USP25: variants seen among roughly 807,000 people sequenced by gnomAD.
The protein encoded by USP25 is ubiquitin specific peptidase 25.
In USP25, 85 loss-of-function variants were observed where a neutral mutation model predicts 158.5. The ratio of observed to expected loss-of-function variants is 0.54; its 90% CI spans 0.45 to 0.64. USP25 has a LOEUF of 0.64. Among genes scored for constraint, USP25 ranks in the 30% least tolerant of loss-of-function variants. The pLI, the probability that USP25 is intolerant of heterozygous loss-of-function variation, is 0.00. For missense variants in USP25, 1,242 were observed against 1,327.3 expected (o/e 0.94, Z 1.00); for synonymous variants, 464 against 460.4 (o/e 1.01, Z -0.10).
chr21:15,820,182 C>A (rs2037161178), intron 10 of USP25, among the ~76,000 whole-genome samples: 1 of 152,000 alleles, frequency 6.6e-6, no homozygotes, highest in South Asian at 2.1e-4. Flanking sequence ...CTCTTAAAAT[C>A]CGATCTGTTT....
chr21:15,869,248 CAAAAAA>C lies in USP25; in HGVS notation c.2806-809_2806-804del, dbSNP rs11300775. 1.7e-4 allele frequency among the ~76,000 whole-genome samples: 17 copies of C among 100,606 alleles called. No individual in the cohort carries two copies. The East Asian group carries it at 4.2e-3, about 25-fold the overall frequency. The allele number at this position is 100,606 out of a possible 152,430, so 66.0% of individuals were successfully genotyped here. A position where few individuals can be genotyped will look rare whatever the true frequency, so the allele number is the denominator to read the frequency against. On this transcript the variant is annotated intron_variant, in intron 22 of 25. Transcript: ENST00000400183. ...GGGCAACTGAGTGAGACCCTGTCTC[CAAAAAA>C]AAAAAAAAAAGTTTATATTCAAGGA...
At chr21:15,751,971 G>A (rs2033048905) in intron 1 of USP25, among the ~76,000 whole-genome samples, 1 of 152,186 alleles carries the variant, frequency 6.6e-6, no homozygotes, top group Non-Finnish European at 1.5e-5. Flanking sequence ...ATTTGCTCTT[G>A]TTGCGCAGGT....
intron 2 of USP25, among the ~76,000 whole-genome samples, chr21:15,764,714 CGCTTT>C (rs2033933063): frequency 6.6e-6 from 1 of 152,012 alleles, no homozygotes; most frequent in African/African-American, 2.4e-5. Context: ...ATCATTATTG[CGCTTT>C]ATTTTATTGT....
chr21:15,824,918 C>A, intron 11 of USP25, 48 bp from the exon 12 acceptor site: 3 of 1,481,452 alleles, frequency 2.0e-6, no homozygotes, highest in Non-Finnish European at 2.8e-6. Context: ...CATATTGCAT[C>A]TACTTTCATG....
chr21:15,744,778 G>A (rs2032387787), intron 1 of USP25: 1 of 152,282 alleles, frequency 6.6e-6, no homozygotes, highest in Non-Finnish European at 1.5e-5. Flanking sequence ...TACTAGAGAT[G>A]GGGTTTTCCA....
intron 1 of USP25, among the ~76,000 whole-genome samples, chr21:15,740,357 A>G (rs2031917384): frequency 6.6e-6 from 1 of 152,206 alleles, no homozygotes. Flanking sequence ...TTATCACAAT[A>G]CACCAAATTT....
chr21:15,856,722 C>T lies in USP25; in HGVS notation c.2547+6850C>T, dbSNP rs191067114. ...TCCTGACCTCGTGATCCGCCTGCCT[C>T]GGCCTCCCAAAGTGCTGGGAGTACA... On this transcript the variant is annotated intron_variant, in intron 20 of 25. Coordinates refer to ENST00000400183, the MANE Select transcript of USP25 (RefSeq NM_001283041.3). Among the ~76,000 whole-genome samples the T allele has an allele frequency of 2.4e-3, 365 of 152,268 alleles. 5 individuals carry two copies. Among genetic ancestry groups the T allele is most frequent in the African/African-American group, 8.5e-3 (352 of 41,564 alleles).
intron 4 of USP25, among the ~76,000 whole-genome samples, chr21:15,783,669 A>G (rs2035097540): frequency 6.6e-6 from 1 of 152,066 alleles, no homozygotes; most frequent in South Asian, 2.1e-4. Context: ...AAGAAATGAA[A>G]AAGAAGGGCC....
intron 3 of USP25, among the ~76,000 whole-genome samples, chr21:15,772,107 T>TA (rs1479238133): frequency 6.6e-6 from 1 of 152,216 alleles, no homozygotes; most frequent in Non-Finnish European, 1.5e-5. Context: ...TCCTATTTAA[T>TA]ATAATATTTT....
chr21:15,785,885 A>T (rs1339574235), intron 4 of USP25, among the ~76,000 whole-genome samples: 1 of 152,048 alleles, frequency 6.6e-6, no homozygotes, highest in Non-Finnish European at 1.5e-5. Context: ...AGATAAACAG[A>T]ATCAACAAAC....
rs992812791 is a variant in USP25, at chr21:15,875,094, C to G, written c.3009+568C>G. ...GGCTGAGGCAGGGGAATCGCATGAA[C>G]CTGGGAAGTGGAGGTTGCCTTGAGC... is the stretch of plus-strand genomic sequence containing the variant. On this transcript the variant is annotated intron_variant, in intron 24 of 25. Transcript: ENST00000400183. This position sits in a 1 kb window ranked among gnomAD's most constrained non-coding sequence, Gnocchi z 4.7. Among the ~76,000 whole-genome samples the G allele has an allele frequency of 2.6e-5, 4 of 152,134 alleles. No homozygotes were observed. The highest frequency in any genetic ancestry group is 9.7e-5 in the African/African-American group (4 of 41,418).
intron 1 of USP25, among the ~76,000 whole-genome samples, chr21:15,741,717 A>G (rs1371022748): frequency 1.3e-5 from 2 of 152,192 alleles, no homozygotes; most frequent in Non-Finnish European, 1.5e-5. Context: ...CATTCTTCCA[A>G]GTCTTAAAAT....
chr21:15,821,385 T>C (rs1381205416), intron 10 of USP25, among the ~76,000 whole-genome samples: 2 of 151,998 alleles, frequency 1.3e-5, no homozygotes, highest in East Asian at 3.8e-4. Context: ...CTGAAGAATG[T>C]CTTTGTATAA....
In USP25 at chr21:15,831,492, G is replaced by A; in HGVS notation, c.1856G>A (p.Arg619Lys). The A allele has an allele frequency of 6.2e-7, 1 of 1,614,134 alleles. No homozygotes were observed. Among genetic ancestry groups the A allele is most frequent in the South Asian group, 1.1e-5 (1 of 91,084 alleles). ...WAYIFDHRES[R>K]WMKYNDIAVT... ...TATATTTTTGATCATCGTGAAAGCAGATGGATGAAGTACAATGATATTGCT... is the reference window on the plus strand; with the variant it reads ...TATATTTTTGATCATCGTGAAAGCAAATGGATGAAGTACAATGATATTGCT... Residue 619 changes from arginine to lysine, a missense_variant, in exon 16 of 26, where the codon AGA becomes AAA. Physicochemically the swap from Arg to Lys is conservative, Grantham distance 26. Transcript: ENST00000400183.
rs189754916 is a variant in USP25, at chr21:15,830,674, T to G, written c.1764+73T>G. The G allele has an allele frequency of 5.9e-4, 698 of 1,189,578 alleles. 7 individuals carry two copies. The African/African-American group carries it at 8.8e-3, about 15-fold the overall frequency. The allele number at this position is 1,189,578 out of a possible 1,614,324, so 73.7% of individuals were successfully genotyped here. A position where few individuals can be genotyped will look rare whatever the true frequency, so the allele number is the denominator to read the frequency against. On this transcript the variant is annotated intron_variant, in intron 15 of 25. Coordinates refer to ENST00000400183, the MANE Select transcript of USP25 (RefSeq NM_001283041.3). ...TATTTTAATTTACCTTTACATTATC[T>G]TAATCTAATTTTTCTTTACATGTTT...
chr21:15,757,272 TC>T (rs954839207), intron 1 of USP25, among the ~76,000 whole-genome samples: 5 of 152,190 alleles, frequency 3.3e-5, no homozygotes, highest in African/African-American at 1.2e-4. Flanking sequence ...CCCATTTCTC[TC>T]TACCTAGGTT....
In USP25 at chr21:15,818,690, T is replaced by C. The variant is rs2037074976; in HGVS notation, c.932-8T>C. ...ATTGAGTATTATTAATTTTCTCCCT[T>C]CTTATAGGTAAAAAATTTGAAAACA... On this transcript the variant is annotated splice_region_variant and splice_polypyrimidine_tract_variant and intron_variant, in intron 9 of 25. Transcript: ENST00000400183. 6.2e-7 allele frequency: 1 copy of C among 1,602,424 alleles called. No homozygotes were observed. The highest frequency in any genetic ancestry group is 1.3e-5 in the African/African-American group (1 of 74,472).
At chr21:15,786,553 G>T (rs1177284251) in intron 4 of USP25, among the ~76,000 whole-genome samples, 2 of 152,046 alleles carry the variant, frequency 1.3e-5, no homozygotes, top group African/African-American at 4.8e-5. Context: ...ACAGAAAAAA[G>T]CACATTACAA....
intron 20 of USP25, 147 bp from the exon 21 acceptor site, chr21:15,864,121 C>G: frequency 6.2e-6 from 3 of 485,028 alleles, no homozygotes; most frequent in East Asian, 5.8e-5. Context: ...GGACTGTGTT[C>G]TTAGTTGTAC....
Sources: allele counts gnomAD v4.1 joint callset (sites outside exome capture counted in the v4.1 genomes callset), GRCh38; gene constraint gnomAD v4.1.1; non-coding constraint Gnocchi (gnomAD v3.1); transcripts MANE v1.5; gene names NCBI Gene and HGNC (gene_info 2026-07-23, HGNC 2026-07-21).